FOXP2: variants seen among roughly 807,000 people sequenced by gnomAD.
FOXP2 encodes the protein forkhead box protein P2.
FOXP2 carries 12 observed loss-of-function variants against 115.8 expected under a neutral mutation model. That is an observed-to-expected ratio of 0.10 (90% CI 0.07 to 0.17). FOXP2 has a LOEUF of 0.17. Among genes scored for constraint, FOXP2 ranks in the 10% least tolerant of loss-of-function variants. The pLI is 1.00. For missense variants in FOXP2, 629 were observed against 843.5 expected (o/e 0.75, Z 3.15); for synonymous variants, 328 against 297.7 (o/e 1.10, Z -1.05).
intron 1 of FOXP2, among the ~76,000 whole-genome samples, chr7:114,093,928 A>G (rs1377384566): frequency 2.0e-5 from 3 of 152,166 alleles, no homozygotes; most frequent in Non-Finnish European, 4.4e-5. Context: ...ATTTGATCAT[A>G]ACATTCATCA....
At chr7:114,453,976 A>G (rs1218408991) in intron 2 of FOXP2, among the ~76,000 whole-genome samples, 1 of 152,152 alleles carries the variant, frequency 6.6e-6, no homozygotes, top group Non-Finnish European at 1.5e-5. Flanking sequence ...TTCATGTCCA[A>G]AACACCAAAA....
intron 3 of FOXP2, among the ~76,000 whole-genome samples, chr7:114,604,846 G>T (rs1477352669): frequency 6.6e-6 from 1 of 152,124 alleles, no homozygotes; most frequent in Non-Finnish European, 1.5e-5. Context: ...TCAGCAAAAT[G>T]AAACTGTAGT....
intron 1 of FOXP2, among the ~76,000 whole-genome samples, chr7:114,236,352 C>T (rs62469199): frequency 0.069 from 10,445 of 152,106 alleles, 486 homozygotes; most frequent in African/African-American, 0.13. Context: ...TTTTTATATT[C>T]ATTTATAATA....
At chr7:114,631,387 A>G (rs763100301) in intron 5 of FOXP2, 141 bp from the exon 6 acceptor site, 316 of 1,393,236 alleles carry the variant, frequency 2.3e-4, no homozygotes, top group Non-Finnish European at 2.7e-4. Flanking sequence ...GAACTTACTC[A>G]CATTCTGCCC....
chr7:114,151,270 T>G (rs1792521205), intron 1 of FOXP2, among the ~76,000 whole-genome samples: 2 of 152,022 alleles, frequency 1.3e-5, no homozygotes, highest in South Asian at 4.1e-4. Flanking sequence ...TAGCAAAATT[T>G]TAATCTTCCT....
chr7:114,599,302 CT>C (rs1489635664), intron 3 of FOXP2, among the ~76,000 whole-genome samples: 40 of 152,056 alleles, frequency 2.6e-4, no homozygotes, highest in African/African-American at 9.2e-4. Context: ...GTTTCAATTG[CT>C]TTTTTCTGCA....
At chr7:114,542,198 A>G (rs1304482311) in intron 3 of FOXP2, among the ~76,000 whole-genome samples, 1 of 151,554 alleles carries the variant, frequency 6.6e-6, no homozygotes, top group Admixed American at 6.6e-5. Context: ...TTCTTCTCTC[A>G]TCATGTAATC....
At chr7:114,579,924 A>G (rs541198737) in intron 3 of FOXP2, among the ~76,000 whole-genome samples, 51 of 152,334 alleles carry the variant, frequency 3.3e-4, no homozygotes, top group African/African-American at 1.2e-3. Context: ...CACTCTAAGG[A>G]GAGATTCAAT....
intron 2 of FOXP2, among the ~76,000 whole-genome samples, chr7:114,449,296 T>C (rs914565080): frequency 1.3e-5 from 2 of 152,100 alleles, no homozygotes; most frequent in African/African-American, 4.8e-5. Flanking sequence ...TATTGTTTTA[T>C]AAAAAAACTA....
chr7:114,455,147 TA>T (rs1278127376), intron 2 of FOXP2, among the ~76,000 whole-genome samples: 2 of 152,188 alleles, frequency 1.3e-5, no homozygotes, highest in Non-Finnish European at 2.9e-5. Context: ...CAATGTCCAA[TA>T]AATATTTCAC....
chr7:114,554,698 A>G (rs983246413), intron 3 of FOXP2, among the ~76,000 whole-genome samples: 1 of 152,148 alleles, frequency 6.6e-6, no homozygotes, highest in Non-Finnish European at 1.5e-5. Context: ...TTAGCTTTTC[A>G]TCTTTATAGA....
At chr7:114,449,178 T>A (rs1794964038) in intron 2 of FOXP2, among the ~76,000 whole-genome samples, 2 of 152,058 alleles carry the variant, frequency 1.3e-5, no homozygotes, top group Admixed American at 6.6e-5. Context: ...TTGTTCACAT[T>A]ATTTAAAAAA....
intron 2 of FOXP2, among the ~76,000 whole-genome samples, chr7:114,393,469 G>T (rs1027481525): frequency 3.9e-5 from 6 of 152,090 alleles, no homozygotes; most frequent in Non-Finnish European, 8.8e-5. Context: ...TAATGTCAGA[G>T]TCTGACCAGA....
intron 1 of FOXP2, among the ~76,000 whole-genome samples, chr7:114,100,073 G>A (rs1299908936): frequency 6.6e-6 from 1 of 152,040 alleles, no homozygotes; most frequent in African/African-American, 2.4e-5. Flanking sequence ...TGCCATGAGT[G>A]AAGAACTTGT....
At chr7:114,259,563 A>G (rs559353387) in intron 1 of FOXP2, among the ~76,000 whole-genome samples, 16 of 152,340 alleles carry the variant, frequency 1.1e-4, no homozygotes, top group African/African-American at 2.9e-4. Flanking sequence ...TTTGTGTTAT[A>G]TGATTTCTCA....
intron 1 of FOXP2, among the ~76,000 whole-genome samples, chr7:114,279,131 T>G (rs572441019): frequency 1.1e-4 from 17 of 152,334 alleles, no homozygotes; most frequent in African/African-American, 3.8e-4. Context: ...GCTTTAATAT[T>G]AATTCAGAAT....
intron 2 of FOXP2, among the ~76,000 whole-genome samples, chr7:114,342,515 A>G (rs553149374): frequency 6.6e-5 from 10 of 151,604 alleles, no homozygotes; most frequent in African/African-American, 2.4e-4. Flanking sequence ...ATAAATACCT[A>G]GAAGTTAGCT....
At position 114,388,319 on chromosome 7, in the gene FOXP2, T is replaced by TA. The variant is rs576032047; in HGVS notation, c.-10-38173dup. 7.0e-3 allele frequency among the ~76,000 whole-genome samples: 1,030 copies of TA among 147,516 alleles called. 7 individuals carry two copies. Among genetic ancestry groups the TA allele is most frequent in the African/African-American group, 0.018 (716 of 40,416 alleles). ...TATTTCAATCCTGTTATATTTCTGG[T>TA]AAAAAAAAAATGGTCTAAAATGGCA... On this transcript the variant is annotated intron_variant, in intron 2 of 17. Transcript: ENST00000634411.
intron 1 of FOXP2, among the ~76,000 whole-genome samples, chr7:114,117,086 G>A (rs1240113314): frequency 6.6e-6 from 1 of 151,866 alleles, no homozygotes; most frequent in Non-Finnish European, 1.5e-5. Context: ...TTAGCCTCAG[G>A]GGAAAAAATT....
Sources: allele counts gnomAD v4.1 joint callset (sites outside exome capture counted in the v4.1 genomes callset), GRCh38; gene constraint gnomAD v4.1.1; transcripts MANE v1.5; gene names NCBI Gene and HGNC (gene_info 2026-07-23, HGNC 2026-07-21).